The following AGAP1 variants were observed in gnomAD, a reference collection of about 807,000 sequenced individuals.
The protein encoded by AGAP1 is ArfGAP with GTPase domain, ankyrin repeat and PH domain 1.
Under a neutral mutation model 105.3 loss-of-function variants are expected in AGAP1, and 29 were observed. The ratio of observed to expected loss-of-function variants is 0.28; its 90% CI spans 0.21 to 0.38. The LOEUF is 0.38. Ranked by LOEUF, AGAP1 falls within the 10% of genes least tolerant of loss-of-function variation. AGAP1 has a pLI of 1.00. For missense variants in AGAP1, 998 were observed against 1,165.1 expected (o/e 0.86, Z 2.09); for synonymous variants, 509 against 485.9 (o/e 1.05, Z -0.63).
At chr2:235,508,530 A>T (rs148605013) in intron 1 of AGAP1, among the ~76,000 whole-genome samples, 12 of 152,104 alleles carry the variant, frequency 7.9e-5, no homozygotes, top group Admixed American at 3.9e-4. Flanking sequence ...TCCCTCGCTG[A>T]GAGTTGGTGG....
intron 16 of AGAP1, among the ~76,000 whole-genome samples, chr2:236,102,009 C>T (rs573108705): frequency 2.0e-4 from 30 of 152,304 alleles, no homozygotes; most frequent in South Asian, 1.7e-3. Flanking sequence ...AGGCTGGGCC[C>T]GGTGGCTCAT....
In AGAP1 at chr2:235,897,107, A is replaced by G. The variant is rs182255781; in HGVS notation, c.1156-11631A>G. On this transcript the variant is annotated intron_variant, in intron 10 of 17. Transcript: ENST00000304032. ...GGTTTTATTTGTTTTTTTGGAGACA[A>G]AGTCTTGCTCTGTTGCCCAGGCTGG... 4.8e-3 allele frequency among the ~76,000 whole-genome samples: 723 copies of G among 152,120 alleles called. 1 individual carries two copies. The highest frequency in any genetic ancestry group is 7.6e-3 in the Non-Finnish European group (516 of 68,012).
intron 10 of AGAP1, among the ~76,000 whole-genome samples, chr2:235,903,374 A>G (rs1321772728): frequency 6.6e-6 from 1 of 152,184 alleles, no homozygotes; most frequent in Non-Finnish European, 1.5e-5. Flanking sequence ...TCAAAGCCAT[A>G]TGGTTATTTC....
intron 1 of AGAP1, among the ~76,000 whole-genome samples, chr2:235,515,564 G>A (rs193045230): frequency 7.2e-5 from 11 of 152,316 alleles, no homozygotes; most frequent in East Asian, 1.9e-4. Flanking sequence ...TTTGTCAGGC[G>A]TCATGGGTAT....
intron 1 of AGAP1, among the ~76,000 whole-genome samples, chr2:235,538,460 T>TGTGTGTGTGTGTGTGTGTGTGTGTGC (rs1553561884): frequency 5.3e-5 from 8 of 150,560 alleles, no homozygotes; most frequent in Admixed American, 3.3e-4. Context: ...TGTGTGTGTG[T>TGTGTGTGTGTGTGTGTGTGTGTGTGC]GCATGCTTGT....
chr2:235,710,570 C>G (rs931796765), intron 2 of AGAP1, among the ~76,000 whole-genome samples: 19 of 152,368 alleles, frequency 1.2e-4, no homozygotes, highest in African/African-American at 4.3e-4. Flanking sequence ...CAAAGCGTCT[C>G]TCAGTCCTAG....
At chr2:236,081,713 TTTTTC>T (rs2058789731) in intron 16 of AGAP1, among the ~76,000 whole-genome samples, 1 of 152,254 alleles carries the variant, frequency 6.6e-6, no homozygotes, top group South Asian at 2.1e-4. Flanking sequence ...TAAAATACTT[TTTTTC>T]TTTTAAGTAG....
chr2:235,744,344 G>A lies in AGAP1; in HGVS notation c.397-354G>A, dbSNP rs1320986345. 6.6e-6 allele frequency among the ~76,000 whole-genome samples: 1 copy of A among 152,180 alleles called. No homozygotes were observed. The highest frequency in any genetic ancestry group is 1.5e-5 in the Non-Finnish European group (1 of 68,034). Reference sequence around the variant, plus strand: ...GCTTGAGGGGCTCTGGCAGGAGGTGGGTCTGGCCTTCTGTCTGCGGGGCCG... The same window carrying A: ...GCTTGAGGGGCTCTGGCAGGAGGTGAGTCTGGCCTTCTGTCTGCGGGGCCG... On this transcript the variant is annotated intron_variant, in intron 4 of 17. Transcript: ENST00000304032. This position sits in a 1 kb window ranked among gnomAD's most constrained non-coding sequence, Gnocchi z 5.2.
Position 236,027,429 on chromosome 2 carries a change from G to A in AGAP1, c.1646-9132G>A, listed in dbSNP as rs180942659. Among the ~76,000 whole-genome samples the A allele has an allele frequency of 1.6e-4, 25 of 152,236 alleles. No homozygotes were observed. The highest frequency in any genetic ancestry group is 3.1e-4 in the Non-Finnish European group (21 of 68,010). On this transcript the variant is annotated intron_variant, in intron 13 of 17. Coordinates refer to ENST00000304032, the MANE Select transcript of AGAP1 (RefSeq NM_001037131.3). The surrounding 1 kb of genome is among the most constrained non-coding windows in gnomAD (Gnocchi z 4.4). ...ACCCTTGTCGTAAATTTCAGGGCCTGAAAATCCAAAAGAAGACACAGGGTA... is the reference window on the plus strand; with the variant it reads ...ACCCTTGTCGTAAATTTCAGGGCCTAAAAATCCAAAAGAAGACACAGGGTA...
intron 6 of AGAP1, among the ~76,000 whole-genome samples, chr2:235,791,409 TTTTTCTTTTC>T: frequency 6.6e-6 from 1 of 152,266 alleles, no homozygotes; most frequent in South Asian, 2.1e-4. Flanking sequence ...AGATTCTTTC[TTTTTCTTTTC>T]TTTTCTTTTT....
chr2:235,852,813 G>A, intron 9 of AGAP1: 1 of 1,517,494 alleles, frequency 6.6e-7, no homozygotes, highest in Non-Finnish European at 8.8e-7. Flanking sequence ...TGTGCTGAAG[G>A]CCCACAATCA....
rs1266607180 is a variant in AGAP1 at position 235,830,763 on chromosome 2, TTC to T, written c.1050+23433_1050+23434del. 6.6e-6 allele frequency among the ~76,000 whole-genome samples: 1 copy of T among 152,220 alleles called. No individual in the cohort carries two copies. The highest frequency in any genetic ancestry group is 1.5e-5 in the Non-Finnish European group (1 of 68,040). On this transcript the variant is annotated intron_variant, in intron 9 of 17. Coordinates refer to ENST00000304032, the MANE Select transcript of AGAP1 (RefSeq NM_001037131.3). This position sits in a 1 kb window ranked among gnomAD's most constrained non-coding sequence, Gnocchi z 5.5. Reference sequence around the variant, plus strand: ...GGAAAATGCATTTATAAGATATTTCTTCCTCGGAATTTTTAAGTGATTTTACT... The same window carrying T: ...GGAAAATGCATTTATAAGATATTTCTCTCGGAATTTTTAAGTGATTTTACT...
Position 235,867,420 on chromosome 2 carries a change from A to G in AGAP1, c.1051-15925A>G, listed in dbSNP as rs2049225087. ...CGACATGTGGGAGCTTGCCGGCCCC[A>G]GTCCCGTAGGATCCCCAACGCTAAT... On this transcript the variant is annotated intron_variant, in intron 9 of 17. Coordinates refer to ENST00000304032, the MANE Select transcript of AGAP1 (RefSeq NM_001037131.3). This position sits in a 1 kb window ranked among gnomAD's most constrained non-coding sequence, Gnocchi z 5.4. 6.6e-6 allele frequency among the ~76,000 whole-genome samples: 1 copy of G among 152,186 alleles called. No individual in the cohort carries two copies. The highest frequency in any genetic ancestry group is 1.5e-5 in the Non-Finnish European group (1 of 68,024).
At chr2:235,669,583 C>A (rs1457464947) in intron 1 of AGAP1, 1 of 147,970 alleles carries the variant, frequency 6.8e-6, no homozygotes, top group South Asian at 1.8e-4. Flanking sequence ...CGTCGGCCCC[C>A]GTCGCCCGCC....
Position 235,900,343 on chromosome 2 carries a change from CA to C in AGAP1, c.1156-8392del, listed in dbSNP as rs1311786588. ...TGTTGACTTTGAGGTAGGAGGAGCC[CA>C]AAGTGGCCAGGTGACAATCTTACAG... On this transcript the variant is annotated intron_variant, in intron 10 of 17. Transcript: ENST00000304032. This position sits in a 1 kb window ranked among gnomAD's most constrained non-coding sequence, Gnocchi z 5.5. Among the ~76,000 whole-genome samples, 1 of 151,686 alleles carries C rather than the reference CA, an allele frequency of 6.6e-6. No homozygotes were observed. The highest frequency in any genetic ancestry group is 1.9e-4 in the East Asian group (1 of 5,136).
chr2:235,686,638 TATATATAGATATATATATATATATATA>T lies in AGAP1; in HGVS notation c.164-22540_164-22514del, dbSNP rs1559350758. 2.0e-4 allele frequency among the ~76,000 whole-genome samples: 10 copies of T among 49,378 alleles called. 1 individual carries two copies. Among genetic ancestry groups the T allele is most frequent in the African/African-American group, 7.9e-4 (8 of 10,124 alleles). The allele number at this position is 49,378 out of a possible 152,430, so 32.4% of individuals were successfully genotyped here. A position where few individuals can be genotyped will look rare whatever the true frequency, so the allele number is the denominator to read the frequency against. ...AGATATAGATATATATATATATATA[TATATATAGATATATATATATATATATA>T]TTTTTTTTTTTTTTTAGACAGAGTC... On this transcript the variant is annotated intron_variant, in intron 1 of 17. Coordinates refer to ENST00000304032, the MANE Select transcript of AGAP1 (RefSeq NM_001037131.3).
rs1468377155 is a variant in AGAP1, at chr2:236,078,727, G to A, written c.2114+29446G>A. Among the ~76,000 whole-genome samples, 1 of 152,116 alleles carries A rather than the reference G, an allele frequency of 6.6e-6. No homozygotes were observed. Among genetic ancestry groups the A allele is most frequent in the Non-Finnish European group, 1.5e-5 (1 of 68,022 alleles). On this transcript the variant is annotated intron_variant, in intron 16 of 17. Transcript: ENST00000304032. The surrounding 1 kb of genome is among the most constrained non-coding windows in gnomAD (Gnocchi z 5.3). The stretch of plus-strand genomic sequence containing the variant: ...TGGCTGGGTGCTAGATGGGACCATG[G>A]GACCCAAGTCCACCCTCTGGCCCCT...
intron 16 of AGAP1, among the ~76,000 whole-genome samples, chr2:236,077,080 A>C: frequency 6.7e-6 from 1 of 149,538 alleles, no homozygotes; most frequent in Non-Finnish European, 1.5e-5. Flanking sequence ...CCTGCACTCC[A>C]GCCTGGGCAA....
rs988276814 is a variant in AGAP1, at chr2:235,753,096, C to T, written c.673+2608C>T. 6.6e-6 allele frequency among the ~76,000 whole-genome samples: 1 copy of T among 152,182 alleles called. No individual in the cohort carries two copies. The highest frequency in any genetic ancestry group is 1.5e-5 in the Non-Finnish European group (1 of 68,038). On this transcript the variant is annotated intron_variant, in intron 6 of 17. Transcript: ENST00000304032. The surrounding 1 kb of genome is among the most constrained non-coding windows in gnomAD (Gnocchi z 4.5). ...TGGCAGAGGCCCCACCTCTTATTCC[C>T]CTGGGGGTCAGGATTTCAGTATAAG...
Sources: gnomAD v4.1 joint callset for allele counts (sites outside exome capture counted in the v4.1 genomes callset) on GRCh38, gnomAD v4.1.1 for gene constraint, Gnocchi (gnomAD v3.1) non-coding constraint, MANE v1.5 for transcripts, NCBI Gene and HGNC (gene_info 2026-07-23, HGNC 2026-07-21) for gene names.